The following CBFA2T2 variants were observed in gnomAD, a reference collection of about 807,000 sequenced individuals.
CBFA2T2 encodes protein CBFA2T2.
CBFA2T2 carries 11 observed loss-of-function variants against 62.2 expected under a neutral mutation model. The ratio of observed to expected loss-of-function variants is 0.18; its 90% CI spans 0.11 to 0.29. CBFA2T2 has a LOEUF of 0.29. Among genes scored for constraint, CBFA2T2 ranks in the 10% least tolerant of loss-of-function variants. The pLI, the probability that CBFA2T2 is intolerant of heterozygous loss-of-function variation, is 1.00. For synonymous variants in CBFA2T2, 295 were observed against 287.5 expected (o/e 1.03, Z -0.27); for missense variants, 592 against 774.1 (o/e 0.76, Z 2.79).
chr20:33,554,610 T>C (rs1287223192), intron 1 of CBFA2T2, among the ~76,000 whole-genome samples: 2 of 143,250 alleles, frequency 1.4e-5, no homozygotes, highest in Admixed American at 7.0e-5. Context: ...CTTTTTTTTT[T>C]TTTTTTTTTT....
intron 1 of CBFA2T2, among the ~76,000 whole-genome samples, chr20:33,494,305 A>G (rs2011177114): frequency 2.3e-5 from 1 of 44,026 alleles, no homozygotes; most frequent in Non-Finnish European, 3.6e-5. Context: ...TTTTTGAGAC[A>G]GAGTCTCGCT....
chr20:33,606,560 C>T (rs764286945), intron 1 of CBFA2T2, among the ~76,000 whole-genome samples: 16 of 152,266 alleles, frequency 1.1e-4, no homozygotes, highest in Non-Finnish European at 1.9e-4. Context: ...CCTTGGCATT[C>T]CTCGGTGTAT....
intron 1 of CBFA2T2, among the ~76,000 whole-genome samples, chr20:33,492,847 C>G (rs1000544970): frequency 6.6e-6 from 1 of 151,990 alleles, no homozygotes; most frequent in African/African-American, 2.4e-5. Context: ...GTATTACATT[C>G]CTAGACAGTA....
chr20:33,536,177 C>T (rs2012219340), intron 1 of CBFA2T2, among the ~76,000 whole-genome samples: 1 of 152,212 alleles, frequency 6.6e-6, no homozygotes, highest in Non-Finnish European at 1.5e-5. Flanking sequence ...TCTCAATGAG[C>T]TGTTGGGTAC....
intron 1 of CBFA2T2, among the ~76,000 whole-genome samples, chr20:33,564,548 C>T (rs1355609217): frequency 6.6e-6 from 1 of 152,054 alleles, no homozygotes; most frequent in Non-Finnish European, 1.5e-5. Context: ...AGCCACCGCG[C>T]CTGGCCCTCT....
intron 1 of CBFA2T2, among the ~76,000 whole-genome samples, chr20:33,555,270 TA>T (rs764259452): frequency 0.013 from 1,848 of 141,652 alleles, 28 homozygotes; most frequent in African/African-American, 0.042. Flanking sequence ...CTGCCCAATT[TA>T]AAAAAAAAAA....
rs1056720420 is a variant in CBFA2T2, at chr20:33,606,619, C to G, written c.35-337C>G. ...CTCTGTCGCCACTTGGTGTGACTGT[C>G]CTCTCTTTGGCTTCCCTCTGTGTAT... On this transcript the variant is annotated intron_variant, in intron 1 of 10. Coordinates refer to ENST00000342704, the MANE Select transcript of CBFA2T2 (RefSeq NM_001032999.3). Among the ~76,000 whole-genome samples the G allele has an allele frequency of 8.5e-5, 13 of 152,084 alleles. 1 individual carries two copies. Among genetic ancestry groups the G allele is most frequent in the Non-Finnish European group, 1.8e-4 (12 of 68,012 alleles).
At chr20:33,572,310 C>G (rs999654845) in intron 1 of CBFA2T2, among the ~76,000 whole-genome samples, 1 of 152,042 alleles carries the variant, frequency 6.6e-6, no homozygotes, top group African/African-American at 2.4e-5. Flanking sequence ...TGTAATGTTT[C>G]CAGCTTGCTC....
At chr20:33,606,879 T>C (rs2015360310) in intron 1 of CBFA2T2, 77 bp from the exon 2 acceptor site, 3 of 1,400,476 alleles carry the variant, frequency 2.1e-6, no homozygotes, top group South Asian at 1.2e-5. Context: ...TAGGGAAGTA[T>C]GTTGGTATTT....
chr20:33,536,651 TC>T (rs2012252135), intron 1 of CBFA2T2, among the ~76,000 whole-genome samples: 2 of 146,010 alleles, frequency 1.4e-5, no homozygotes, highest in African/African-American at 5.1e-5. Context: ...TCTCCTCACT[TC>T]TCAGATGGGG....
At chr20:33,531,616 T>C (rs2012065267) in intron 1 of CBFA2T2, among the ~76,000 whole-genome samples, 1 of 152,160 alleles carries the variant, frequency 6.6e-6, no homozygotes, top group African/African-American at 2.4e-5. Flanking sequence ...ATCACAAAAC[T>C]GTGTAGGCAT....
At chr20:33,628,746 G>T (rs1229607467) in intron 7 of CBFA2T2, among the ~76,000 whole-genome samples, 1 of 152,170 alleles carries the variant, frequency 6.6e-6, no homozygotes, top group Non-Finnish European at 1.5e-5. Context: ...TGTGATTACA[G>T]GTGTGAGCCA....
rs1448240043 is a variant in CBFA2T2 at position 33,490,117 on chromosome 20, A to C, written c.-151A>C. On this transcript the variant is annotated 5_prime_UTR_variant, in exon 1 of 11. Transcript: ENST00000342704. ...CGGCGGCGGCGGCGGCGACGGCGACAGCAGCGGTGGTGGTGTCTGGTTAGC... is the reference window on the plus strand; with the variant it reads ...CGGCGGCGGCGGCGGCGACGGCGACCGCAGCGGTGGTGGTGTCTGGTTAGC... 36 of 716,602 alleles carry C rather than the reference A, an allele frequency of 5.0e-5. No homozygotes were observed. In the East Asian group the frequency reaches 1.5e-3, roughly 30 times the overall value. The allele number at this position is 716,602 out of a possible 1,614,324, so 44.4% of individuals were successfully genotyped here.
intron 1 of CBFA2T2, among the ~76,000 whole-genome samples, chr20:33,510,968 G>A (rs1413660322): frequency 6.6e-6 from 1 of 151,988 alleles, no homozygotes; most frequent in Non-Finnish European, 1.5e-5. Context: ...CTTCACCCAC[G>A]TTTTGATGGG....
chr20:33,624,142 A>G (rs1044161836), intron 5 of CBFA2T2, among the ~76,000 whole-genome samples: 1 of 151,360 alleles, frequency 6.6e-6, no homozygotes, highest in East Asian at 1.9e-4. Flanking sequence ...ATTTTAGAAA[A>G]CTCCCTATGA....
At chr20:33,567,217 C>G (rs1323087556) in intron 1 of CBFA2T2, among the ~76,000 whole-genome samples, 2 of 152,156 alleles carry the variant, frequency 1.3e-5, no homozygotes, top group East Asian at 3.9e-4. Context: ...CATGCCAAAA[C>G]CTGAAAAAGC....
chr20:33,608,650 C>T (rs1001289617), intron 2 of CBFA2T2, among the ~76,000 whole-genome samples: 1 of 152,102 alleles, frequency 6.6e-6, no homozygotes, highest in Non-Finnish European at 1.5e-5. Flanking sequence ...AAACCTCAGC[C>T]ATCAATCAGA....
chr20:33,614,537 G>C (rs1169265111), intron 3 of CBFA2T2, among the ~76,000 whole-genome samples: 1 of 151,994 alleles, frequency 6.6e-6, no homozygotes, highest in Admixed American at 6.6e-5. Flanking sequence ...TTGCAAAACT[G>C]CACCAATTAA....
At chr20:33,609,720 G>A (rs937045569) in intron 2 of CBFA2T2, among the ~76,000 whole-genome samples, 22 of 152,202 alleles carry the variant, frequency 1.4e-4, no homozygotes, top group African/African-American at 5.1e-4. Context: ...TTAACTGACT[G>A]TGACTGGCTT....
Sources: allele counts gnomAD v4.1 joint callset (sites outside exome capture counted in the v4.1 genomes callset), GRCh38; gene constraint gnomAD v4.1.1; transcripts MANE v1.5; gene names NCBI Gene and HGNC (gene_info 2026-07-23, HGNC 2026-07-21).